The following SHISA6 variants were observed in gnomAD, a reference collection of about 807,000 sequenced individuals.
SHISA6 encodes shisa family member 6, also known as protein shisa-6.
A neutral mutation model predicts 47.9 loss-of-function variants in SHISA6; 22 were observed. The ratio of observed to expected loss-of-function variants is 0.46; its 90% CI spans 0.33 to 0.66. SHISA6 has a LOEUF of 0.66. Among genes scored for constraint, SHISA6 ranks in the 30% least tolerant of loss-of-function variants. SHISA6 has a pLI of 0.02. For synonymous variants in SHISA6, 388 were observed against 337.8 expected, an observed-to-expected ratio of 1.15 and a Z score of -1.63; for missense variants, 680 against 764.6, an observed-to-expected ratio of 0.89 and a Z score of 1.30.
intron 3 of SHISA6, among the ~76,000 whole-genome samples, chr17:11,423,451 G>A (rs1436326939): frequency 6.6e-6 from 1 of 151,526 alleles, no homozygotes; most frequent in East Asian, 1.9e-4. Flanking sequence ...TTTTTTTCTG[G>A]AAATCAAACC....
intron 1 of SHISA6, 135 bp from the exon 2 acceptor site, chr17:11,263,231 A>G (rs1380729338): frequency 5.5e-6 from 5 of 908,188 alleles, no homozygotes; most frequent in South Asian, 1.7e-5. Flanking sequence ...GTAGCTGACT[A>G]TTGAGAGCTG....
intron 3 of SHISA6, among the ~76,000 whole-genome samples, chr17:11,389,605 G>A (rs1348514490): frequency 6.6e-6 from 1 of 152,182 alleles, no homozygotes; most frequent in African/African-American, 2.4e-5. Flanking sequence ...AGAGGAGAGA[G>A]GGCGGAGTTC....
chr17:11,260,646 C>A (rs563293367), intron 1 of SHISA6, among the ~76,000 whole-genome samples: 1 of 152,000 alleles, frequency 6.6e-6, no homozygotes, highest in Non-Finnish European at 1.5e-5. Flanking sequence ...GCCTCCTCTC[C>A]TCTCTCTGTC....
intron 1 of SHISA6, among the ~76,000 whole-genome samples, chr17:11,249,137 C>CAAAAA (rs139559354): frequency 3.3e-5 from 2 of 60,500 alleles, no homozygotes; most frequent in African/African-American, 5.7e-5. Flanking sequence ...GACTCCGTCT[C>CAAAAA]AAAAAAAAAA....
intron 2 of SHISA6, among the ~76,000 whole-genome samples, chr17:11,322,873 G>A (rs544270435): frequency 6.6e-6 from 1 of 152,298 alleles, no homozygotes; most frequent in African/African-American, 2.4e-5. Flanking sequence ...GGAAGAGTGG[G>A]TATCAGTAGG....
chr17:11,367,645 A>G (rs1409212014), intron 2 of SHISA6, among the ~76,000 whole-genome samples: 1 of 152,158 alleles, frequency 6.6e-6, no homozygotes, highest in East Asian at 1.9e-4. Context: ...AGCCCTTTAC[A>G]TCTAAAGTCC....
rs1361587894 is a variant in SHISA6, at chr17:11,557,948, A to G, written c.1300A>G (p.Ser434Gly). The G allele has an allele frequency of 8.4e-6, 13 of 1,551,406 alleles. No homozygotes were observed. The highest frequency in any genetic ancestry group is 3.3e-4 in the Middle Eastern group (2 of 6,014). Residue 434 changes from serine (S) to glycine (G), a missense_variant, in exon 6 of 6, where the codon AGC becomes GGC. Ser to Gly is a moderately conservative substitution (Grantham distance 56). Coordinates refer to ENST00000441885, the MANE Select transcript of SHISA6 (RefSeq NM_207386.4). ...SPDRGLPDEF[S>G]MPYDRILSDE... ...GGATCGGGGCCTGCCAGATGAGTTC[A>G]GCATGCCCTACGACCGCATCCTGTC...
At chr17:11,532,739 C>CTTTTTTTTTTT (rs71142217) in intron 3 of SHISA6, among the ~76,000 whole-genome samples, 60 of 71,306 alleles carry the variant, frequency 8.4e-4, no homozygotes, top group Admixed American at 1.1e-3. Flanking sequence ...TCTATCAGGG[C>CTTTTTTTTTTT]TTTTTTTTTT....
At chr17:11,268,542 A>T (rs139661990) in intron 2 of SHISA6, among the ~76,000 whole-genome samples, 4 of 152,054 alleles carry the variant, frequency 2.6e-5, no homozygotes, top group African/African-American at 9.7e-5. Flanking sequence ...AGCACTAGGT[A>T]TTTGTTTTGT....
intron 1 of SHISA6, among the ~76,000 whole-genome samples, chr17:11,253,958 T>G (rs1334548344): frequency 6.6e-6 from 1 of 152,164 alleles, no homozygotes; most frequent in Non-Finnish European, 1.5e-5. Flanking sequence ...CTCAGTGGCC[T>G]AAGGACTCTT....
intron 2 of SHISA6, among the ~76,000 whole-genome samples, chr17:11,336,343 G>A (rs746285299): frequency 2.6e-5 from 4 of 152,158 alleles, no homozygotes; most frequent in Non-Finnish European, 4.4e-5. Flanking sequence ...ATGGGGTAAA[G>A]GAGGGGTGCT....
At chr17:11,422,718 C>T (rs1914484490) in intron 3 of SHISA6, among the ~76,000 whole-genome samples, 1 of 151,504 alleles carries the variant, frequency 6.6e-6, no homozygotes, top group Admixed American at 6.6e-5. Flanking sequence ...ATCCAAGATC[C>T]CGCCACTGCA....
rs2072048792 is a variant in SHISA6 at position 11,562,027 on chromosome 17, A to G, written c.*3723A>G. ...CCCCTGAAGCTCCCAACCCAGCCTG[A>G]TGTTAGCCCAGAAGCTCCTGCTCTG... On this transcript the variant is annotated 3_prime_UTR_variant, in exon 6 of 6. Coordinates refer to ENST00000441885, the MANE Select transcript of SHISA6 (RefSeq NM_207386.4). 1 of 152,046 alleles carries G rather than the reference A, an allele frequency of 6.6e-6. No individual in the cohort carries two copies. Among genetic ancestry groups the G allele is most frequent in the Admixed American group, 6.6e-5 (1 of 15,258 alleles). 9.4% of individuals were successfully genotyped at this position (152,046 alleles called of 1,614,324 possible).
chr17:11,517,022 G>T (rs959560814), intron 3 of SHISA6, among the ~76,000 whole-genome samples: 1 of 152,190 alleles, frequency 6.6e-6, no homozygotes, highest in Non-Finnish European at 1.5e-5. Context: ...TCAGAAAGTG[G>T]ATTAGGGAGA....
chr17:11,440,007 AC>A (rs1915054722), intron 3 of SHISA6, among the ~76,000 whole-genome samples: 1 of 152,182 alleles, frequency 6.6e-6, no homozygotes. Context: ...AGTAGGGTGC[AC>A]CCCAAATAAA....
chr17:11,364,627 A>C (rs1912385815), intron 2 of SHISA6, among the ~76,000 whole-genome samples: 1 of 152,218 alleles, frequency 6.6e-6, no homozygotes, highest in East Asian at 1.9e-4. Flanking sequence ...GCTATTTTCA[A>C]TTCTTTTACT....
chr17:11,477,146 T>C (rs913972673), intron 3 of SHISA6, among the ~76,000 whole-genome samples: 4 of 152,190 alleles, frequency 2.6e-5, no homozygotes, highest in African/African-American at 9.6e-5. Flanking sequence ...GCAATCTATA[T>C]GTGTCTTTAT....
At position 11,241,255 on chromosome 17, in the gene SHISA6, C is replaced by G. The variant is rs955055368; in HGVS notation, c.-168C>G. ...GCGCCGGGCCGGTCCGTGCGCACCG[C>G]GCGCCGCCGCCGCCACTGCCGCCCG... On this transcript the variant is annotated 5_prime_UTR_variant, in exon 1 of 6. Coordinates refer to ENST00000441885, the MANE Select transcript of SHISA6 (RefSeq NM_207386.4). This position sits in a 1 kb window ranked among gnomAD's most constrained non-coding sequence, Gnocchi z 5.5. 4.8e-6 allele frequency: 1 copy of G among 208,420 alleles called. No individual in the cohort carries two copies. The highest frequency in any genetic ancestry group is 1.9e-4 in the East Asian group (1 of 5,190). 12.9% of individuals were successfully genotyped at this position (208,420 alleles called of 1,614,324 possible). A position where few individuals can be genotyped will look rare whatever the true frequency, so the allele number is the denominator to read the frequency against.
chr17:11,549,103 T>A (rs1291356576), intron 3 of SHISA6, among the ~76,000 whole-genome samples: 1 of 152,220 alleles, frequency 6.6e-6, no homozygotes, highest in Non-Finnish European at 1.5e-5. Context: ...TAATTCATTT[T>A]AAAAACTACA....
Sources: allele counts gnomAD v4.1 joint callset (sites outside exome capture counted in the v4.1 genomes callset), GRCh38; gene constraint gnomAD v4.1.1; non-coding constraint Gnocchi (gnomAD v3.1); transcripts MANE v1.5; gene names NCBI Gene and HGNC (gene_info 2026-07-23, HGNC 2026-07-21).